ENTREP3: variants seen among roughly 807,000 people sequenced by gnomAD.
ENTREP3 encodes protein ENTREP3.
At chr1:155,254,879 C>A in the ENTREP3 span, 1 of 1,557,522 alleles carries the variant, frequency 6.4e-7, no homozygotes, top group East Asian at 2.4e-5. This position sits in a 1 kb window ranked among gnomAD's most constrained non-coding sequence, Gnocchi z 4.4. Flanking sequence ...GGGCATCATG[C>A]CTGCTGCCCG....
the ENTREP3 span, chr1:155,254,888 C>T: frequency 3.9e-6 from 6 of 1,547,938 alleles, no homozygotes; most frequent in South Asian, 2.4e-5. This position sits in a 1 kb window ranked among gnomAD's most constrained non-coding sequence, Gnocchi z 4.4. Context: ...GCCTGCTGCC[C>T]GGTTGCCTGC....
the ENTREP3 span, chr1:155,254,233 C>T: frequency 6.5e-7 from 1 of 1,537,882 alleles, no homozygotes; most frequent in South Asian, 1.1e-5. The surrounding 1 kb of genome is among the most constrained non-coding windows in gnomAD (Gnocchi z 4.4). Flanking sequence ...CTGGGACCCT[C>T]ATGAGTACTC....
At chr1:155,252,748 T>TTTTTTTTA in the ENTREP3 span, 1 of 108,786 alleles carries the variant, frequency 9.2e-6, no homozygotes, top group Non-Finnish European at 1.8e-5. Context: ...TTTTTTTTTT[T>TTTTTTTTA]GAGACGGAGT....
At chr1:155,254,340 G>A in the ENTREP3 span, 3 of 1,581,978 alleles carry the variant, frequency 1.9e-6, no homozygotes, top group Non-Finnish European at 2.6e-6. This position sits in a 1 kb window ranked among gnomAD's most constrained non-coding sequence, Gnocchi z 4.4. Flanking sequence ...GGACATAAAT[G>A]GGCTTCCCCT....
chr1:155,250,596 C>G, the ENTREP3 span: 1 of 1,606,990 alleles, frequency 6.2e-7, no homozygotes, highest in Non-Finnish European at 8.5e-7. This position sits in a 1 kb window ranked among gnomAD's most constrained non-coding sequence, Gnocchi z 5.4. Context: ...GCGGGCAGCC[C>G]GTGGGGGGCG....
the ENTREP3 span, chr1:155,247,665 G>C: frequency 3.1e-6 from 3 of 973,532 alleles, no homozygotes; most frequent in South Asian, 1.5e-5. Context: ...GGACACTTTG[G>C]GGGGTATACA....
the ENTREP3 span, chr1:155,250,673 A>G: frequency 6.2e-7 from 1 of 1,612,426 alleles, no homozygotes; most frequent in Non-Finnish European, 8.5e-7. The surrounding 1 kb of genome is among the most constrained non-coding windows in gnomAD (Gnocchi z 5.4). Context: ...AGTAGCCGGC[A>G]CGGCTGCGCT....
At chr1:155,251,238 A>T in the ENTREP3 span, 5 of 1,223,094 alleles carry the variant, frequency 4.1e-6, no homozygotes, top group Non-Finnish European at 5.7e-6. Flanking sequence ...AGCTCTGGAG[A>T]CTTAGATTCC....
chr1:155,250,494 C>A, the ENTREP3 span: 2 of 1,493,622 alleles, frequency 1.3e-6, no homozygotes, highest in Non-Finnish European at 1.8e-6. The surrounding 1 kb of genome is among the most constrained non-coding windows in gnomAD (Gnocchi z 5.4). Flanking sequence ...GGGTCCCACC[C>A]AGGGCGGCCA....
the ENTREP3 span, chr1:155,253,945 G>T: frequency 5.0e-6 from 8 of 1,612,888 alleles, no homozygotes; most frequent in Non-Finnish European, 6.8e-6. Flanking sequence ...CGGAGGAGGG[G>T]AACAGAGGGA....
the ENTREP3 span, chr1:155,252,722 ATTTTTTTTTTTTT>A: frequency 7.6e-5 from 1 of 13,204 alleles, no homozygotes; most frequent in African/African-American, 4.2e-4. Flanking sequence ...ATATATATAT[ATTTTTTTTTTTTT>A]TTTTTTTTTT....
At chr1:155,248,004 G>A in the ENTREP3 span, 51 of 1,613,362 alleles carry the variant, frequency 3.2e-5, no homozygotes, top group Non-Finnish European at 4.1e-5. Context: ...TCAATCTGAA[G>A]CTCCACGCTT....
chr1:155,251,301 C>G, the ENTREP3 span: 1 of 790,486 alleles, frequency 1.3e-6, no homozygotes, highest in East Asian at 2.7e-5. Flanking sequence ...CCTCAGCTTC[C>G]ACGTCTGTAT....
chr1:155,248,377 T>C, the ENTREP3 span: 464,100 of 1,613,398 alleles, frequency 0.29, 76,927 homozygotes, highest in East Asian at 0.73. Context: ...CCAATCCCCA[T>C]CCCTGGGGCG....
the ENTREP3 span, chr1:155,252,717 TATA>T: frequency 1.1e-4 from 7 of 62,274 alleles, no homozygotes; most frequent in African/African-American, 2.4e-4. Flanking sequence ...TATATATATA[TATA>T]TATTTTTTTT....
the ENTREP3 span, chr1:155,254,120 A>C: frequency 6.2e-7 from 1 of 1,614,142 alleles, no homozygotes; most frequent in Non-Finnish European, 8.5e-7. This position sits in a 1 kb window ranked among gnomAD's most constrained non-coding sequence, Gnocchi z 4.4. Flanking sequence ...CCAGTTGAGC[A>C]TTCTTACAGG....
At chr1:155,254,093 C>A in the ENTREP3 span, 7 of 1,614,050 alleles carry the variant, frequency 4.3e-6, no homozygotes, top group Admixed American at 1.2e-4. The surrounding 1 kb of genome is among the most constrained non-coding windows in gnomAD (Gnocchi z 4.4). Context: ...CCAGAGAGCA[C>A]TGTTGGAAGT....
At chr1:155,251,266 T>C in the ENTREP3 span, 2 of 980,360 alleles carry the variant, frequency 2.0e-6, no homozygotes, top group Non-Finnish European at 3.0e-6. Flanking sequence ...CCTTGTCCCT[T>C]TGTACAAGTC....
chr1:155,247,494 C>T, the ENTREP3 span: 26 of 667,690 alleles, frequency 3.9e-5, no homozygotes, highest in South Asian at 1.5e-4. Flanking sequence ...GAAAGAGCCA[C>T]TCTCATTCTG....
Sources: allele counts gnomAD v4.1 joint callset, GRCh38; gene constraint gnomAD v4.1.1; non-coding constraint Gnocchi (gnomAD v3.1); transcripts MANE v1.5; gene names NCBI Gene and HGNC (gene_info 2026-07-23, HGNC 2026-07-21).